The following NEMP2 variants were observed in gnomAD, a reference collection of about 807,000 sequenced individuals.
NEMP2 encodes nuclear envelope integral membrane protein 2, also known as UPF0571 transmembrane protein.
NEMP2 carries 53 observed loss-of-function variants against 54.2 expected under a neutral mutation model. That is an observed-to-expected ratio of 0.98 (90% confidence interval 0.78 to 1.23). The LOEUF (loss-of-function observed/expected upper bound fraction) is 1.23, where lower values mean the gene tolerates loss of function less well. Among genes scored for constraint, NEMP2 ranks in the 50% most tolerant of loss-of-function variants. The pLI is 0.00. For missense variants in NEMP2, 455 were observed against 511.3 expected (o/e 0.89, Z 1.06); for synonymous variants, 197 against 190.3 (o/e 1.04, Z -0.29).
At chr2:190,594,802 CTG>C in the NEMP2 span, among the ~76,000 whole-genome samples, 1 of 152,154 alleles carries the variant, frequency 6.6e-6, no homozygotes, top group Non-Finnish European at 1.5e-5. The surrounding 1 kb of genome is among the most constrained non-coding windows in gnomAD (Gnocchi z 5.6). Context: ...GGAGTACCAT[CTG>C]AGAAGTCTTT....
At chr2:190,602,363 C>T in the NEMP2 span, among the ~76,000 whole-genome samples, 15 of 152,286 alleles carry the variant, frequency 9.8e-5, no homozygotes, top group African/African-American at 3.6e-4. Flanking sequence ...AGGAGAATTC[C>T]TTCTTCTTTG....
chr2:190,544,510 G>A, the NEMP2 span, among the ~76,000 whole-genome samples: 1 of 152,110 alleles, frequency 6.6e-6, no homozygotes, highest in South Asian at 2.1e-4. Context: ...GTGAATGAGA[G>A]TCCCATCTCT....
chr2:190,427,516 A>T, the NEMP2 span, among the ~76,000 whole-genome samples: 3 of 152,072 alleles, frequency 2.0e-5, no homozygotes, highest in Non-Finnish European at 2.9e-5. Context: ...ACCTATCTTC[A>T]CCCATCAGTA....
At chr2:190,435,796 G>T in the NEMP2 span, 51 of 510,606 alleles carry the variant, frequency 1.0e-4, no homozygotes, top group Admixed American at 1.8e-3. Context: ...AAGAGTATTC[G>T]ATTTTTTTAA....
chr2:190,595,895 G>A, the NEMP2 span, among the ~76,000 whole-genome samples: 510 of 152,262 alleles, frequency 3.3e-3, 3 homozygotes, highest in African/African-American at 0.012. This position sits in a 1 kb window ranked among gnomAD's most constrained non-coding sequence, Gnocchi z 4.0. Flanking sequence ...AATCTCATTA[G>A]TGGGTATAAA....
chr2:190,626,309 A>T, the NEMP2 span: 2 of 152,206 alleles, frequency 1.3e-5, no homozygotes, highest in Non-Finnish European at 1.5e-5. The surrounding 1 kb of genome is among the most constrained non-coding windows in gnomAD (Gnocchi z 4.5). Flanking sequence ...CATTAAATTA[A>T]TAGGTTTCCT....
At chr2:190,458,610 T>C in the NEMP2 span, among the ~76,000 whole-genome samples, 3 of 152,220 alleles carry the variant, frequency 2.0e-5, no homozygotes, top group Non-Finnish European at 2.9e-5. The surrounding 1 kb of genome is among the most constrained non-coding windows in gnomAD (Gnocchi z 5.3). Context: ...CCCCGAGTGC[T>C]TGACAGATGG....
chr2:190,606,057 T>C, the NEMP2 span, among the ~76,000 whole-genome samples: 1 of 152,100 alleles, frequency 6.6e-6, no homozygotes, highest in Non-Finnish European at 1.5e-5. Context: ...GGAACAAGAG[T>C]TTCACAGTGT....
the NEMP2 span, among the ~76,000 whole-genome samples, chr2:190,619,241 G>C: frequency 6.6e-6 from 1 of 151,960 alleles, no homozygotes; most frequent in Admixed American, 6.6e-5. This position sits in a 1 kb window ranked among gnomAD's most constrained non-coding sequence, Gnocchi z 5.5. Context: ...AGCTGGGCGT[G>C]GTGGTGCATG....
At chr2:190,538,814 G>T (rs1006131926), upstream of NEMP2, among the ~76,000 whole-genome samples, 3 of 151,914 alleles carry the variant, frequency 2.0e-5, no homozygotes, top group South Asian at 2.1e-4. This position sits in a 1 kb window ranked among gnomAD's most constrained non-coding sequence, Gnocchi z 4.1. Flanking sequence ...ATTATTTGGG[G>T]TTTTTTGCTA....
Position 190,510,408 on chromosome 2 carries a change from G to A in NEMP2, c.1083C>T (p.Pro361=), listed in dbSNP as rs1690316655. The change falls in exon 8 of 9, where the codon CCC becomes CCT. Residue 361 remains proline, a synonymous_variant. Coordinates refer to ENST00000409150, the MANE Select transcript of NEMP2 (RefSeq NM_001142645.2). The surrounding 1 kb of genome is among the most constrained non-coding windows in gnomAD (Gnocchi z 5.7). ...LEELRRACRK[P]DFPSWLVVSR... is the part of the protein sequence containing the mutation. ...AGACGACCAGCCATGAGGGAAAGTC[G>A]GGTTTTCGGCAGGCCCGGCGTAGCT... is the stretch of plus-strand genomic sequence containing the variant. The A allele has an allele frequency of 1.1e-5, 17 of 1,551,600 alleles. No individual in the cohort carries two copies. The highest frequency in any genetic ancestry group is 1.4e-5 in the Non-Finnish European group (16 of 1,147,004).
chr2:190,468,746 A>G, the NEMP2 span, among the ~76,000 whole-genome samples: 1 of 151,996 alleles, frequency 6.6e-6, no homozygotes, highest in African/African-American at 2.4e-5. Flanking sequence ...GGCATGAGTC[A>G]ATACACTCAG....
chr2:190,557,910 TGTG>T, the NEMP2 span, among the ~76,000 whole-genome samples: 1 of 152,218 alleles, frequency 6.6e-6, no homozygotes, highest in Non-Finnish European at 1.5e-5. Flanking sequence ...TGGAAGACAG[TGTG>T]GTGATTCCTG....
At chr2:190,450,414 T>C in the NEMP2 span, among the ~76,000 whole-genome samples, 4 of 152,192 alleles carry the variant, frequency 2.6e-5, no homozygotes, top group East Asian at 1.9e-4. Context: ...TACCTTTTTT[T>C]CTGCTGAAAA....
At chr2:190,489,148 C>T in the NEMP2 span, among the ~76,000 whole-genome samples, 1 of 152,128 alleles carries the variant, frequency 6.6e-6, no homozygotes, top group Non-Finnish European at 1.5e-5. The surrounding 1 kb of genome is among the most constrained non-coding windows in gnomAD (Gnocchi z 6.6). Context: ...CTGATAATAA[C>T]CCTAAAGGAA....
the NEMP2 span, among the ~76,000 whole-genome samples, chr2:190,630,308 C>G: frequency 6.6e-6 from 1 of 152,176 alleles, no homozygotes; most frequent in Non-Finnish European, 1.5e-5. This position sits in a 1 kb window ranked among gnomAD's most constrained non-coding sequence, Gnocchi z 5.5. Flanking sequence ...ACTTCTGCCT[C>G]CTGGGTTCAA....
At chr2:190,585,417 T>C in the NEMP2 span, among the ~76,000 whole-genome samples, 6 of 152,200 alleles carry the variant, frequency 3.9e-5, no homozygotes, top group African/African-American at 1.2e-4. The surrounding 1 kb of genome is among the most constrained non-coding windows in gnomAD (Gnocchi z 5.3). Context: ...CAGGCCTCTA[T>C]GCAGATAAGA....
At chr2:190,443,785 T>C in the NEMP2 span, among the ~76,000 whole-genome samples, 2 of 152,210 alleles carry the variant, frequency 1.3e-5, no homozygotes, top group Non-Finnish European at 2.9e-5. This position sits in a 1 kb window ranked among gnomAD's most constrained non-coding sequence, Gnocchi z 4.2. Context: ...AGTCTGGGTG[T>C]GGCTCACACC....
the NEMP2 span, among the ~76,000 whole-genome samples, chr2:190,471,415 C>G: frequency 1.3e-5 from 2 of 152,190 alleles, no homozygotes; most frequent in Non-Finnish European, 2.9e-5. The surrounding 1 kb of genome is among the most constrained non-coding windows in gnomAD (Gnocchi z 4.7). Context: ...TTCCAACAGT[C>G]TTAGCAAACG....
Sources: allele counts gnomAD v4.1 joint callset (sites outside exome capture counted in the v4.1 genomes callset), GRCh38; gene constraint gnomAD v4.1.1; non-coding constraint Gnocchi (gnomAD v3.1); transcripts MANE v1.5; gene names NCBI Gene and HGNC (gene_info 2026-07-23, HGNC 2026-07-21).